Variants in RSBN1 observed in about 807,000 individuals in gnomAD.
The protein encoded by RSBN1 is round spermatid basic protein 1, also known as lysine-specific demethylase 9.
In RSBN1, 23 loss-of-function variants were observed where a neutral mutation model predicts 74.8. That is an observed-to-expected ratio of 0.31 (90% CI 0.22 to 0.44). RSBN1 has a LOEUF of 0.44. Ranked by LOEUF, RSBN1 falls within the 20% of genes least tolerant of loss-of-function variation. RSBN1 has a pLI of 1.00. For missense variants in RSBN1, 808 were observed against 1,020.9 expected, an observed-to-expected ratio of 0.79 and a Z score of 2.84; for synonymous variants, 407 against 379.6, an observed-to-expected ratio of 1.07 and a Z score of -0.84.
chr1:113,790,925 C>T (rs934178892), intron 2 of RSBN1, among the ~76,000 whole-genome samples: 1 of 152,148 alleles, frequency 6.6e-6, no homozygotes, highest in Non-Finnish European at 1.5e-5. Flanking sequence ...TATATTTGAA[C>T]TAGCAACCCC....
intron 1 of RSBN1, among the ~76,000 whole-genome samples, chr1:113,799,251 C>T (rs1018844738): frequency 2.6e-5 from 4 of 152,130 alleles, no homozygotes; most frequent in Admixed American, 2.6e-4. Flanking sequence ...AGTATGGAGT[C>T]TCCATATGTT....
At chr1:113,807,709 C>T (rs1660735631) in intron 1 of RSBN1, among the ~76,000 whole-genome samples, 1 of 150,378 alleles carries the variant, frequency 6.6e-6, no homozygotes, top group East Asian at 1.9e-4. Context: ...TGCAGTGAGC[C>T]GAGATTGCAC....
At chr1:113,806,261 G>A (rs1182117196) in intron 1 of RSBN1, among the ~76,000 whole-genome samples, 1 of 151,796 alleles carries the variant, frequency 6.6e-6, no homozygotes, top group Non-Finnish European at 1.5e-5. Flanking sequence ...CATGAACCCA[G>A]GAGGTGGAGG....
Position 113,777,688 on chromosome 1 carries a change from C to T in RSBN1, c.1498G>A (p.Glu500Lys). The change falls in exon 3 of 7, where the codon GAA becomes AAA. Residue 500 changes from glutamate to lysine, a missense_variant. By Grantham distance (56) the Glu-to-Lys change is moderately conservative (BLOSUM62 1). Transcript: ENST00000261441. ...YFPEFLDMLEESPFLKMTLPW... is the reference protein window; with the variant it reads ...YFPEFLDMLEKSPFLKMTLPW... ...ACACTCACTTTCAGAAATGGTGATT[C>T]TTCTAACATATCAAGGAACTCTGGG... is the stretch of plus-strand genomic sequence containing the variant. The T allele has an allele frequency of 6.2e-7, 1 of 1,609,366 alleles. No homozygotes were observed. Among genetic ancestry groups the T allele is most frequent in the Non-Finnish European group, 8.5e-7 (1 of 1,177,174 alleles).
At chr1:113,788,596 C>T (rs1660304306) in intron 2 of RSBN1, among the ~76,000 whole-genome samples, 2 of 152,070 alleles carry the variant, frequency 1.3e-5, no homozygotes. Context: ...TTGGATTTCT[C>T]AACAGCAACA....
At chr1:113,809,768 G>T (rs1195231371) in intron 1 of RSBN1, among the ~76,000 whole-genome samples, 1 of 152,114 alleles carries the variant, frequency 6.6e-6, no homozygotes, top group East Asian at 1.9e-4. Flanking sequence ...GTCCAGTGTG[G>T]TAGCCACTAG....
At chr1:113,774,402 C>G (rs991228996) in intron 4 of RSBN1, among the ~76,000 whole-genome samples, 2 of 151,766 alleles carry the variant, frequency 1.3e-5, no homozygotes, top group East Asian at 3.9e-4. Context: ...AGGCCAGGCA[C>G]GGTGGCTCAC....
intron 1 of RSBN1, among the ~76,000 whole-genome samples, chr1:113,809,416 T>C (rs1432291227): frequency 6.6e-6 from 1 of 152,242 alleles, no homozygotes; most frequent in African/African-American, 2.4e-5. Context: ...GCATGCCTCC[T>C]GCATACCACT....
intron 1 of RSBN1, among the ~76,000 whole-genome samples, chr1:113,809,547 A>G (rs1464602300): frequency 6.6e-6 from 1 of 152,268 alleles, no homozygotes; most frequent in Admixed American, 6.5e-5. Flanking sequence ...TTAAAATGCC[A>G]GTTTGCCAAT....
At chr1:113,783,853 C>T (rs140722130) in intron 2 of RSBN1, among the ~76,000 whole-genome samples, 7 of 152,282 alleles carry the variant, frequency 4.6e-5, no homozygotes, top group African/African-American at 9.6e-5. Context: ...TTGCTTACCT[C>T]GGGACTGCTA....
chr1:113,789,367 GGAAA>G (rs1209189021), intron 2 of RSBN1, among the ~76,000 whole-genome samples: 10 of 152,122 alleles, frequency 6.6e-5, no homozygotes, highest in African/African-American at 2.4e-4. Flanking sequence ...AACTCTACGG[GGAAA>G]GAAGCTCCTG....
Position 113,812,390 on chromosome 1 carries a change from G to T in RSBN1, c.23C>A (p.Thr8Lys). 2 of 1,600,818 alleles carry T rather than the reference G, an allele frequency of 1.2e-6. No homozygotes were observed. The highest frequency in any genetic ancestry group is 1.7e-6 in the Non-Finnish European group (2 of 1,178,834). ...CTCCTCCGCCCTCCACTTGTCGGCC[G>T]TTCTTCGTCCAGAGATGAACATGCC... is the stretch of plus-strand genomic sequence containing the variant. MFISGRR[T>K]ADKWRAEERL... Residue 8 changes from threonine to lysine, a missense_variant, in exon 1 of 7, where the codon ACG becomes AAG. Coordinates refer to ENST00000261441, the MANE Select transcript of RSBN1 (RefSeq NM_018364.5).
chr1:113,785,186 G>C (rs911502715), intron 2 of RSBN1, among the ~76,000 whole-genome samples: 1 of 150,886 alleles, frequency 6.6e-6, no homozygotes, highest in East Asian at 1.9e-4. Flanking sequence ...TGCACACATT[G>C]GCCTATGCCT....
intron 2 of RSBN1, among the ~76,000 whole-genome samples, chr1:113,795,402 T>C (rs1660451480): frequency 6.6e-6 from 1 of 152,214 alleles, no homozygotes; most frequent in South Asian, 2.1e-4. Flanking sequence ...CTATAAACCA[T>C]GAAGTGCGAA....
chr1:113,796,989 T>C (rs1438792892), intron 2 of RSBN1, among the ~76,000 whole-genome samples: 1 of 152,198 alleles, frequency 6.6e-6, no homozygotes, highest in Non-Finnish European at 1.5e-5. Context: ...AACAGGCCCA[T>C]GCCCTCACGT....
At chr1:113,802,369 A>G (rs531838678) in intron 1 of RSBN1, among the ~76,000 whole-genome samples, 1 of 152,292 alleles carries the variant, frequency 6.6e-6, no homozygotes, top group South Asian at 2.1e-4. Context: ...AGATGAACAA[A>G]AGCAAAACAA....
intron 1 of RSBN1, among the ~76,000 whole-genome samples, chr1:113,805,653 T>C (rs1198745362): frequency 2.6e-5 from 4 of 152,256 alleles, no homozygotes; most frequent in African/African-American, 2.4e-5. Flanking sequence ...CACTTCTTTC[T>C]GTTTTAAAGA....
intron 1 of RSBN1, among the ~76,000 whole-genome samples, chr1:113,809,009 T>A (rs1340211141): frequency 6.6e-6 from 1 of 152,106 alleles, no homozygotes; most frequent in African/African-American, 2.4e-5. Flanking sequence ...AGGTAAGGAC[T>A]TGACTATGTT....
chr1:113,797,613 T>C lies in RSBN1; in HGVS notation c.1127A>G (p.Tyr376Cys). Residue 376 changes from tyrosine to cysteine, a missense_variant, in exon 2 of 7, where the codon TAC (tyrosine) becomes TGC (cysteine). This residue lies in a region of RSBN1 where 85 missense variants were observed against 126.2 expected (regional missense o/e 0.67). Transcript: ENST00000261441. Reference sequence around the variant, plus strand: ...AGACAAAAATGAGAGTTCATCCATGTAAGCATGAAGGACAAGAGCACCACC... The same window carrying C: ...AGACAAAAATGAGAGTTCATCCATGCAAGCATGAAGGACAAGAGCACCACC... ...SNGGALVLHA[Y>C]MDELSFLSPM... 6.2e-7 allele frequency: 1 copy of C among 1,613,882 alleles called. No homozygotes were observed. Among genetic ancestry groups the C allele is most frequent in the Non-Finnish European group, 8.5e-7 (1 of 1,179,898 alleles).
Sources: allele counts gnomAD v4.1 joint callset (sites outside exome capture counted in the v4.1 genomes callset), GRCh38; gene constraint gnomAD v4.1.1; regional missense constraint gnomAD v4.1.1; transcripts MANE v1.5; gene names NCBI Gene and HGNC (gene_info 2026-07-23, HGNC 2026-07-21).